The following ROBO2 variants were observed in gnomAD, a reference collection of about 807,000 sequenced individuals.
ROBO2 encodes the protein roundabout homolog 2.
Under a neutral mutation model 160.8 loss-of-function variants are expected in ROBO2, and 53 were observed. The observed-to-expected ratio is 0.33, with a 90% confidence interval of 0.26 to 0.41. The LOEUF (loss-of-function observed/expected upper bound fraction) is 0.41, where lower values mean the gene tolerates loss of function less well. Ranked by LOEUF, ROBO2 falls within the 10% of genes least tolerant of loss-of-function variation. The probability of loss-of-function intolerance (pLI) is 1.00; values close to 1 mark genes in which losing one functional copy is unlikely to be tolerated. For missense variants in ROBO2, 1,577 were observed against 1,722.4 expected (o/e 0.92, Z 1.49); for synonymous variants, 664 against 611.7 (o/e 1.09, Z -1.26).
At chr3:76,848,247 T>C (rs187352106) in intron 2 of ROBO2, among the ~76,000 whole-genome samples, 92 of 152,326 alleles carry the variant, frequency 6.0e-4, no homozygotes, top group African/African-American at 2.1e-3. Flanking sequence ...AAATTACTTA[T>C]GAGTTCTGGG....
chr3:77,596,795 C>CT (rs35328861), intron 19 of ROBO2, 45 bp downstream of exon 20: 4,858 of 1,408,004 alleles, frequency 3.5e-3, no homozygotes, highest in Middle Eastern at 4.5e-3. Context: ...TTCTCTCTCT[C>CT]TTTTTTTTTT....
chr3:76,830,859 T>C (rs961727866), intron 2 of ROBO2, among the ~76,000 whole-genome samples: 4 of 151,030 alleles, frequency 2.6e-5, no homozygotes, highest in African/African-American at 7.3e-5. Flanking sequence ...GATGGTGGTA[T>C]GTGCCTACAG....
At chr3:76,508,774 T>C (rs1322302729) in intron 2 of ROBO2, among the ~76,000 whole-genome samples, 1 of 152,204 alleles carries the variant, frequency 6.6e-6, no homozygotes, top group Non-Finnish European at 1.5e-5. Flanking sequence ...CAGTTCATTA[T>C]AAGACAAAGC....
intron 2 of ROBO2, among the ~76,000 whole-genome samples, chr3:76,594,017 G>T (rs1291127423): frequency 1.3e-5 from 2 of 151,910 alleles, no homozygotes; most frequent in African/African-American, 4.8e-5. Context: ...TATCATAAAA[G>T]AAAGTATGTT....
intron 1 of ROBO2, among the ~76,000 whole-genome samples, chr3:75,922,686 A>G (rs769384086): frequency 3.9e-5 from 6 of 152,090 alleles, no homozygotes; most frequent in Non-Finnish European, 8.8e-5. Context: ...TTTTAACAAA[A>G]TTATATTATT....
intron 2 of ROBO2, among the ~76,000 whole-genome samples, chr3:76,843,360 G>A (rs1235281047): frequency 2.6e-5 from 4 of 151,842 alleles, no homozygotes; most frequent in South Asian, 2.1e-4. Context: ...TAGAATATTA[G>A]TGCATCAATT....
intron 2 of ROBO2, among the ~76,000 whole-genome samples, chr3:76,086,796 A>C (rs1018254195): frequency 6.6e-6 from 1 of 152,168 alleles, no homozygotes; most frequent in Non-Finnish European, 1.5e-5. Flanking sequence ...TTAATAGAAA[A>C]AGTAAACAAC....
At chr3:76,630,038 C>T (rs1275274458) in intron 2 of ROBO2, among the ~76,000 whole-genome samples, 1 of 152,160 alleles carries the variant, frequency 6.6e-6, no homozygotes, top group Admixed American at 6.5e-5. Flanking sequence ...GCTGCTGCCT[C>T]CCCGCTTGGC....
intron 2 of ROBO2, among the ~76,000 whole-genome samples, chr3:76,943,063 G>A (rs754361419): frequency 1.3e-5 from 2 of 152,078 alleles, no homozygotes; most frequent in African/African-American, 2.4e-5. Flanking sequence ...TTCACCTAAC[G>A]TCATGTGAGT....
At chr3:76,100,126 A>G (rs1333387626) in intron 2 of ROBO2, among the ~76,000 whole-genome samples, 2 of 152,156 alleles carry the variant, frequency 1.3e-5, no homozygotes, top group Admixed American at 6.5e-5. Context: ...TTATCATTCA[A>G]TTCCTTGGAA....
intron 2 of ROBO2, among the ~76,000 whole-genome samples, chr3:77,020,082 T>G (rs1300621309): frequency 1.3e-5 from 2 of 152,186 alleles, no homozygotes; most frequent in Non-Finnish European, 2.9e-5. Flanking sequence ...TCTGATATAT[T>G]TTTTAAAACT....
intron 2 of ROBO2, among the ~76,000 whole-genome samples, chr3:76,607,910 C>T (rs1443936805): frequency 6.6e-6 from 1 of 152,186 alleles, no homozygotes; most frequent in Non-Finnish European, 1.5e-5. Flanking sequence ...ACCTTCAACA[C>T]TTCTTGCTAA....
intron 1 of ROBO2, among the ~76,000 whole-genome samples, chr3:77,057,714 G>C (rs561650282): frequency 4.7e-4 from 72 of 151,724 alleles, no homozygotes; most frequent in African/African-American, 1.7e-3. Flanking sequence ...GGGATTACAG[G>C]CACGTGCCAC....
intron 2 of ROBO2, among the ~76,000 whole-genome samples, chr3:76,297,894 A>C (rs1185051534): frequency 6.6e-6 from 1 of 152,190 alleles, no homozygotes; most frequent in African/African-American, 2.4e-5. Context: ...GATAACAGCT[A>C]TAAAACAAGA....
intron 2 of ROBO2, among the ~76,000 whole-genome samples, chr3:76,878,470 A>G (rs1457054177): frequency 6.6e-6 from 1 of 152,172 alleles, no homozygotes; most frequent in African/African-American, 2.4e-5. Flanking sequence ...TCCTTTGAAC[A>G]TTTCCCACAT....
At chr3:77,524,567 T>C (rs995820659) in intron 6 of ROBO2, among the ~76,000 whole-genome samples, 2 of 150,664 alleles carry the variant, frequency 1.3e-5, no homozygotes, top group African/African-American at 2.4e-5. Context: ...ACGTGAGGAG[T>C]TGTTTGTTTG....
chr3:77,380,697 T>TCCC (rs2073335066), intron 2 of ROBO2, among the ~76,000 whole-genome samples: 1 of 131,962 alleles, frequency 7.6e-6, no homozygotes, highest in African/African-American at 2.8e-5. Context: ...CCCTCCCTCC[T>TCCC]TCCCTCCCTT....
intron 2 of ROBO2, among the ~76,000 whole-genome samples, chr3:76,322,440 G>T (rs1010556746): frequency 1.3e-5 from 2 of 151,636 alleles, no homozygotes; most frequent in Admixed American, 6.6e-5. Context: ...GTTCTAAAAA[G>T]AGTTCTTCAT....
intron 2 of ROBO2, among the ~76,000 whole-genome samples, chr3:76,703,961 C>A (rs1390112330): frequency 6.6e-6 from 1 of 151,708 alleles, no homozygotes; most frequent in Non-Finnish European, 1.5e-5. Context: ...GAAAATTAAT[C>A]AACAGTAGTT....
Sources: allele counts gnomAD v4.1 joint callset (sites outside exome capture counted in the v4.1 genomes callset), GRCh38; gene constraint gnomAD v4.1.1; transcripts MANE v1.5; gene names NCBI Gene and HGNC (gene_info 2026-07-23, HGNC 2026-07-21).